Variants in PTPRD observed in about 807,000 individuals in gnomAD.
PTPRD encodes protein tyrosine phosphatase receptor type D.
Under a neutral mutation model 214.5 loss-of-function variants are expected in PTPRD, and 34 were observed. That is an observed-to-expected ratio of 0.16 (90% CI 0.12 to 0.21). The LOEUF (loss-of-function observed/expected upper bound fraction) is 0.21. PTPRD is among the 10% of genes least tolerant of loss of function. PTPRD has a pLI of 1.00. For missense variants in PTPRD, 2,545 were observed against 2,398.7 expected (o/e 1.06, Z -1.27); for synonymous variants, 1,128 against 845.7 (o/e 1.33, Z -5.79).
At chr9:10,069,617 C>T (rs946711723) in intron 3 of PTPRD, among the ~76,000 whole-genome samples, 2 of 152,084 alleles carry the variant, frequency 1.3e-5, no homozygotes, top group Non-Finnish European at 2.9e-5. Flanking sequence ...TAGCTTAACA[C>T]TCAACATAAT....
At chr9:8,362,319 T>G (rs1352290510) in intron 39 of PTPRD, among the ~76,000 whole-genome samples, 1 of 152,188 alleles carries the variant, frequency 6.6e-6, no homozygotes, top group African/African-American at 2.4e-5. Context: ...CCAATAAGTT[T>G]GAGTTTAATT....
intron 12 of PTPRD, among the ~76,000 whole-genome samples, chr9:8,665,889 A>G (rs2097160004): frequency 1.3e-5 from 2 of 152,332 alleles, no homozygotes; most frequent in African/African-American, 2.4e-5. Flanking sequence ...TAATTATCTG[A>G]TAAGATACAC....
chr9:9,933,024 T>C (rs1388912463), intron 5 of PTPRD, among the ~76,000 whole-genome samples: 1 of 151,678 alleles, frequency 6.6e-6, no homozygotes, highest in African/African-American at 2.4e-5. Context: ...GACAAGCAAA[T>C]GTTGAGAGAT....
intron 3 of PTPRD, among the ~76,000 whole-genome samples, chr9:10,323,609 G>A (rs976386014): frequency 1.1e-4 from 16 of 151,648 alleles, no homozygotes; most frequent in African/African-American, 3.4e-4. Flanking sequence ...AGATGGAGGG[G>A]CATCAATGGA....
chr9:10,168,490 T>C (rs1404309910), intron 3 of PTPRD, among the ~76,000 whole-genome samples: 3 of 152,238 alleles, frequency 2.0e-5, no homozygotes, highest in African/African-American at 4.8e-5. Context: ...TGGGCTCTTA[T>C]TCCTAACATT....
In PTPRD at chr9:9,845,053, T is replaced by TAC. The variant is rs1555207133; in HGVS notation, c.-367-78203_-367-78202insGT. 3.5e-5 allele frequency among the ~76,000 whole-genome samples: 2 copies of TAC among 56,732 alleles called. 1 individual carries two copies. The highest frequency in any genetic ancestry group is 7.5e-5 in the Non-Finnish European group (2 of 26,568). The allele number at this position is 56,732 out of a possible 152,430, so 37.2% of individuals were successfully genotyped here. A position where few individuals can be genotyped will look rare whatever the true frequency, so the allele number is the denominator to read the frequency against. On this transcript the variant is annotated intron_variant, in intron 5 of 45. Coordinates refer to ENST00000381196, the MANE Select transcript of PTPRD (RefSeq NM_002839.4). Reference sequence around the variant, plus strand: ...ACTGCTATATATATATAGCTATATATAGAGCAATATATATATATATATTGC... The same window carrying TAC: ...ACTGCTATATATATATAGCTATATATACAGAGCAATATATATATATATATTGC...
intron 5 of PTPRD, among the ~76,000 whole-genome samples, chr9:9,774,372 G>A (rs762453886): frequency 7.9e-5 from 12 of 152,174 alleles, no homozygotes; most frequent in Non-Finnish European, 1.3e-4. Flanking sequence ...AAACAACAGT[G>A]CACTGGTGAA....
Position 8,703,004 on chromosome 9 carries a change from T to C in PTPRD, c.64+30776A>G, listed in dbSNP as rs187826066. ...AATCAACTGGATTGACTGGAGAAGTTTGTATTATTCATAAAGACAATTTCC... is the reference window on the plus strand; with the variant it reads ...AATCAACTGGATTGACTGGAGAAGTCTGTATTATTCATAAAGACAATTTCC... On this transcript the variant is annotated intron_variant, in intron 12 of 45. Transcript: ENST00000381196. 7.4e-4 allele frequency among the ~76,000 whole-genome samples: 112 copies of C among 152,338 alleles called. 1 individual carries two copies. The highest frequency in any genetic ancestry group is 2.5e-3 in the African/African-American group (105 of 41,570).
At chr9:9,571,459 T>C (rs905006023) in intron 8 of PTPRD, among the ~76,000 whole-genome samples, 3 of 151,300 alleles carry the variant, frequency 2.0e-5, no homozygotes, top group African/African-American at 7.2e-5. Flanking sequence ...GACATAATAT[T>C]TTAGAAGCAA....
At chr9:10,193,920 C>T (rs948731047) in intron 3 of PTPRD, among the ~76,000 whole-genome samples, 7 of 152,094 alleles carry the variant, frequency 4.6e-5, no homozygotes, top group African/African-American at 1.7e-4. Context: ...CTCCGAAACA[C>T]GTTCCATTAT....
chr9:10,229,531 G>C (rs1039914817), intron 3 of PTPRD, among the ~76,000 whole-genome samples: 5 of 152,034 alleles, frequency 3.3e-5, no homozygotes, highest in African/African-American at 1.2e-4. Flanking sequence ...CACAAAAAAT[G>C]ATGAGTTCAT....
Position 8,500,558 on chromosome 9 carries a change from G to GGAAAAAAAAAAAAAAAAAAAAA in PTPRD, c.2128+195_2128+196insTTTTTTTTTTTTTTTTTTTTTC, listed in dbSNP as rs2097373754. Among the ~76,000 whole-genome samples the GGAAAAAAAAAAAAAAAAAAAAA allele has an allele frequency of 1.8e-3, 26 of 14,318 alleles. 1 individual carries two copies. The highest frequency in any genetic ancestry group is 2.6e-3 in the Non-Finnish European group (23 of 8,720). The allele number at this position is 14,318 out of a possible 152,430, so 9.4% of individuals were successfully genotyped here. ...TTACTGCATTGAGATTGAAAAAAAT[G>GGAAAAAAAAAAAAAAAAAAAAA]AAAAAAAAAAAAAAAAAAAAAAAAA... On this transcript the variant is annotated intron_variant, in intron 24 of 45. Coordinates refer to ENST00000381196, the MANE Select transcript of PTPRD (RefSeq NM_002839.4).
chr9:9,219,484 G>A (rs2099954434), intron 9 of PTPRD, among the ~76,000 whole-genome samples: 1 of 151,616 alleles, frequency 6.6e-6, no homozygotes, highest in South Asian at 2.1e-4. Context: ...TTGGCTAAAA[G>A]CCAAATTCCT....
At chr9:9,877,576 C>T (rs1374870176) in intron 5 of PTPRD, among the ~76,000 whole-genome samples, 3 of 152,032 alleles carry the variant, frequency 2.0e-5, no homozygotes, top group Non-Finnish European at 4.4e-5. Context: ...TTTTCTGCTC[C>T]AAGACTTCAT....
intron 7 of PTPRD, among the ~76,000 whole-genome samples, chr9:9,648,708 G>A (rs2096259343): frequency 6.6e-6 from 1 of 152,024 alleles, no homozygotes; most frequent in South Asian, 2.1e-4. Flanking sequence ...TGAATTGCAG[G>A]GAAATTGCTT....
intron 35 of PTPRD, among the ~76,000 whole-genome samples, chr9:8,430,520 G>A (rs911760301): frequency 5.3e-5 from 8 of 151,180 alleles, no homozygotes; most frequent in African/African-American, 1.9e-4. Context: ...CAAGCGATCT[G>A]CCCGCAGCGT....
chr9:9,005,030 C>T (rs1589646147), intron 11 of PTPRD, among the ~76,000 whole-genome samples: 1 of 152,094 alleles, frequency 6.6e-6, no homozygotes, highest in Non-Finnish European at 1.5e-5. Flanking sequence ...GCCATTCCTT[C>T]ATTAGCCATG....
At chr9:9,373,504 G>A (rs1225774180) in intron 9 of PTPRD, among the ~76,000 whole-genome samples, 1 of 152,012 alleles carries the variant, frequency 6.6e-6, no homozygotes, top group Non-Finnish European at 1.5e-5. Context: ...TAAACTCAAA[G>A]GGTATTCAGG....
Position 9,425,939 on chromosome 9 carries a change from G to A in PTPRD, c.-236-28457C>T, listed in dbSNP as rs141534034. On this transcript the variant is annotated intron_variant, in intron 8 of 45. Transcript: ENST00000381196. Reference sequence around the variant, plus strand: ...GAAACACTGGGGGAGGTTCCAAGATGGCCGAATAGGAACAGCTCCAGTCTA... The same window carrying A: ...GAAACACTGGGGGAGGTTCCAAGATAGCCGAATAGGAACAGCTCCAGTCTA... Among the ~76,000 whole-genome samples the A allele has an allele frequency of 7.8e-3, 1,195 of 152,270 alleles. 14 individuals are homozygous for A. The highest frequency in any genetic ancestry group is 0.026 in the African/African-American group (1,063 of 41,550).
Sources: allele counts gnomAD v4.1 joint callset (sites outside exome capture counted in the v4.1 genomes callset), GRCh38; gene constraint gnomAD v4.1.1; transcripts MANE v1.5; gene names NCBI Gene and HGNC (gene_info 2026-07-23, HGNC 2026-07-21).